Variants in ZNF804B observed in about 807,000 individuals in gnomAD.
ZNF804B encodes the protein zinc finger protein 804B.
In ZNF804B, 80 loss-of-function variants were observed where a neutral mutation model predicts 101.4. The observed-to-expected ratio is 0.79, with a 90% CI of 0.66 to 0.95. ZNF804B has a LOEUF of 0.95. Among genes scored for constraint, ZNF804B ranks in the 40% least tolerant of loss-of-function variants. ZNF804B has a pLI of 0.00. For missense variants in ZNF804B, 1,673 were observed against 1,561.9 expected, an observed-to-expected ratio of 1.07 and a Z score of -1.20; for synonymous variants, 622 against 558.8, an observed-to-expected ratio of 1.11 and a Z score of -1.59.
chr7:89,265,800 A>C (rs1789783225), intron 2 of ZNF804B, among the ~76,000 whole-genome samples: 1 of 152,202 alleles, frequency 6.6e-6, no homozygotes, highest in African/African-American at 2.4e-5. Flanking sequence ...GTCACCCACC[A>C]TCTGTGTGTT....
chr7:89,065,301 T>C (rs143530936), intron 1 of ZNF804B, among the ~76,000 whole-genome samples: 1 of 152,176 alleles, frequency 6.6e-6, no homozygotes, highest in African/African-American at 2.4e-5. Flanking sequence ...GGTGCCAGCA[T>C]TGAGCTTTCT....
At chr7:88,893,033 T>A (rs942292520) in intron 1 of ZNF804B, among the ~76,000 whole-genome samples, 8 of 152,114 alleles carry the variant, frequency 5.3e-5, no homozygotes, top group African/African-American at 1.7e-4. Flanking sequence ...GGGGCTTGTA[T>A]GGGGTTTTAA....
At chr7:89,267,194 A>C (rs1789810120) in intron 2 of ZNF804B, among the ~76,000 whole-genome samples, 1 of 152,012 alleles carries the variant, frequency 6.6e-6, no homozygotes, top group Non-Finnish European at 1.5e-5. Flanking sequence ...AAAATATGAA[A>C]TGCTTCTTTC....
At chr7:89,222,243 T>C (rs2115713738) in intron 2 of ZNF804B, among the ~76,000 whole-genome samples, 1 of 152,088 alleles carries the variant, frequency 6.6e-6, no homozygotes, top group East Asian at 1.9e-4. Flanking sequence ...TTTAGAAATC[T>C]TTGAAACTGC....
At chr7:88,984,105 G>T (rs926628647) in intron 1 of ZNF804B, among the ~76,000 whole-genome samples, 4 of 151,990 alleles carry the variant, frequency 2.6e-5, no homozygotes, top group African/African-American at 7.2e-5. Flanking sequence ...ATATAGATTT[G>T]TCTGCCTTCC....
intron 1 of ZNF804B, among the ~76,000 whole-genome samples, chr7:89,182,532 A>G (rs1470226729): frequency 1.3e-5 from 2 of 152,176 alleles, no homozygotes; most frequent in Admixed American, 6.6e-5. Flanking sequence ...TATCAGAAGC[A>G]CAATTTTGAA....
At chr7:89,263,596 T>C (rs932947306) in intron 2 of ZNF804B, among the ~76,000 whole-genome samples, 1 of 152,126 alleles carries the variant, frequency 6.6e-6, no homozygotes, top group Non-Finnish European at 1.5e-5. Flanking sequence ...TGACCTTTTT[T>C]TTTTTTAAGG....
In ZNF804B at chr7:88,939,167, G is replaced by C. The variant is rs372573196; in HGVS notation, c.108+179083G>C. ...GGGATTGTTTTCAGGAACCCCCCTG[G>C]GATACCAAAATTTATAGATGTTCAA... On this transcript the variant is annotated intron_variant, in intron 1 of 3. Transcript: ENST00000333190. Among the ~76,000 whole-genome samples, 65 of 151,932 alleles carry C rather than the reference G, an allele frequency of 4.3e-4. No individual in the cohort carries two copies. The South Asian group carries it at 5.4e-3, about 13-fold the overall frequency.
chr7:88,982,370 G>C (rs563494169), intron 1 of ZNF804B, among the ~76,000 whole-genome samples: 2 of 152,154 alleles, frequency 1.3e-5, no homozygotes, highest in African/African-American at 4.8e-5. Flanking sequence ...ATCTTTCACT[G>C]TATTTGTTTT....
chr7:89,233,482 A>G (rs1789230504), intron 2 of ZNF804B, among the ~76,000 whole-genome samples: 2 of 152,132 alleles, frequency 1.3e-5, no homozygotes, highest in Non-Finnish European at 2.9e-5. Flanking sequence ...AGAAGTATTG[A>G]TTATAGCCAT....
intron 1 of ZNF804B, among the ~76,000 whole-genome samples, chr7:89,111,766 G>A (rs1259291765): frequency 6.6e-6 from 1 of 151,880 alleles, no homozygotes; most frequent in Non-Finnish European, 1.5e-5. Flanking sequence ...TTTTAGTGTT[G>A]CATCTAAAAA....
At chr7:89,194,840 T>G (rs1376228547) in intron 1 of ZNF804B, among the ~76,000 whole-genome samples, 5 of 152,104 alleles carry the variant, frequency 3.3e-5, no homozygotes, top group African/African-American at 9.6e-5. Context: ...TTTTTTCCAA[T>G]TCTGTGAAGA....
intron 1 of ZNF804B, among the ~76,000 whole-genome samples, chr7:89,017,364 CA>C (rs1464372515): frequency 7.9e-5 from 12 of 152,250 alleles, no homozygotes; most frequent in African/African-American, 2.6e-4. Flanking sequence ...CCAGAACTTC[CA>C]ACACTATGTT....
intron 1 of ZNF804B, among the ~76,000 whole-genome samples, chr7:88,800,448 T>C (rs1465767819): frequency 2.0e-5 from 3 of 152,254 alleles, no homozygotes; most frequent in Non-Finnish European, 4.4e-5. Context: ...TTACTATTTG[T>C]AGAAAAATGT....
At chr7:89,072,088 T>C (rs1300584350) in intron 1 of ZNF804B, among the ~76,000 whole-genome samples, 4 of 152,192 alleles carry the variant, frequency 2.6e-5, no homozygotes, top group Non-Finnish European at 5.9e-5. Flanking sequence ...TTAGCTCTTC[T>C]CTGTAGGTAC....
intron 1 of ZNF804B, among the ~76,000 whole-genome samples, chr7:89,034,080 A>T (rs1412004300): frequency 6.6e-6 from 1 of 151,992 alleles, no homozygotes; most frequent in Non-Finnish European, 1.5e-5. Context: ...TATCTATTGT[A>T]TTTATTTGTT....
At chr7:88,963,507 A>G (rs1313293079) in intron 1 of ZNF804B, among the ~76,000 whole-genome samples, 1 of 151,374 alleles carries the variant, frequency 6.6e-6, no homozygotes, top group Admixed American at 6.6e-5. Flanking sequence ...TACCTTATAC[A>G]CACATCATAT....
chr7:88,896,184 T>G (rs1053186656), intron 1 of ZNF804B, among the ~76,000 whole-genome samples: 1 of 152,192 alleles, frequency 6.6e-6, no homozygotes, highest in African/African-American at 2.4e-5. Flanking sequence ...AGTGTAACCA[T>G]GTGAAAAACT....
intron 1 of ZNF804B, among the ~76,000 whole-genome samples, chr7:89,191,418 A>G (rs547293353): frequency 7.6e-4 from 115 of 152,220 alleles, no homozygotes; most frequent in African/African-American, 2.7e-3. Flanking sequence ...GGTGCAAGAA[A>G]TTATCTTTAA....
Sources: gnomAD v4.1 joint callset for allele counts (sites outside exome capture counted in the v4.1 genomes callset) on GRCh38, gnomAD v4.1.1 for gene constraint, MANE v1.5 for transcripts, NCBI Gene and HGNC (gene_info 2026-07-23, HGNC 2026-07-21) for gene names.